Variants in PSD3 observed in about 807,000 individuals in gnomAD.
The protein encoded by PSD3 is PH and SEC7 domain-containing protein 3.
A neutral mutation model predicts 105.5 loss-of-function variants in PSD3; 49 were observed. That is an observed-to-expected ratio of 0.46 (90% CI 0.37 to 0.59). The LOEUF (loss-of-function observed/expected upper bound fraction) is 0.59, where lower values mean the gene tolerates loss of function less well. Among genes scored for constraint, PSD3 ranks in the 20% least tolerant of loss-of-function variants. The pLI, the probability that PSD3 is intolerant of heterozygous loss-of-function variation, is 0.00. For missense variants in PSD3, 1,561 were observed against 1,263.8 expected, an observed-to-expected ratio of 1.24 and a Z score of -3.57; for synonymous variants, 557 against 457.8, an observed-to-expected ratio of 1.22 and a Z score of -2.77.
At chr8:18,628,924 G>A (rs772226508) in intron 11 of PSD3, among the ~76,000 whole-genome samples, 2 of 151,828 alleles carry the variant, frequency 1.3e-5, no homozygotes, top group Non-Finnish European at 2.9e-5. Flanking sequence ...ACAGTAAGAC[G>A]GCAGATTTAA....
chr8:18,705,562 C>T (rs896122623), intron 9 of PSD3, among the ~76,000 whole-genome samples: 77 of 140,384 alleles, frequency 5.5e-4, no homozygotes, highest in African/African-American at 1.7e-3. Flanking sequence ...AAAAAAAATT[C>T]GTTAAATAAC....
chr8:18,906,575 G>A (rs1819862685), intron 2 of PSD3, among the ~76,000 whole-genome samples: 1 of 152,134 alleles, frequency 6.6e-6, no homozygotes, highest in East Asian at 1.9e-4. Context: ...ACAAACACAG[G>A]TTTTGTAGGG....
chr8:18,830,831 T>G (rs1482465564), intron 4 of PSD3, among the ~76,000 whole-genome samples: 1 of 152,154 alleles, frequency 6.6e-6, no homozygotes, highest in Admixed American at 6.5e-5. Flanking sequence ...TCTTTCAACC[T>G]AAACCATCTA....
intron 9 of PSD3, among the ~76,000 whole-genome samples, chr8:18,746,935 C>T (rs1585814982): frequency 1.3e-5 from 2 of 152,172 alleles, no homozygotes; most frequent in African/African-American, 4.8e-5. Flanking sequence ...GAAAGAAATG[C>T]CCTTAGGCAT....
At chr8:18,582,816 C>CTTTTTTTTTTTTTT (rs71217386) in intron 12 of PSD3, among the ~76,000 whole-genome samples, 3 of 125,474 alleles carry the variant, frequency 2.4e-5, no homozygotes, top group Non-Finnish European at 4.9e-5. Context: ...CCACACTGAT[C>CTTTTTTTTTTTTTT]TTTTTTTTTT....
In PSD3 at chr8:18,607,507, C is replaced by T. The variant is rs28398303; in HGVS notation, c.2411-7073G>A. On this transcript the variant is annotated intron_variant, in intron 11 of 15. Transcript: ENST00000327040. ...ACCGGCAGCACTTGTTTCTCCATAGCACTGGGCGTTTTCACTCTGGTTTCC... is the reference window on the plus strand; with the variant it reads ...ACCGGCAGCACTTGTTTCTCCATAGTACTGGGCGTTTTCACTCTGGTTTCC... Among the ~76,000 whole-genome samples the T allele has an allele frequency of 5.6e-3, 847 of 152,068 alleles. 13 individuals carry two copies. Among genetic ancestry groups the T allele is most frequent in the African/African-American group, 0.019 (798 of 41,488 alleles).
intron 11 of PSD3, among the ~76,000 whole-genome samples, chr8:18,620,921 C>T (rs2130710899): frequency 6.6e-6 from 1 of 152,302 alleles, no homozygotes; most frequent in South Asian, 2.1e-4. Context: ...TTATTTTCTT[C>T]TTTCTCCTAA....
chr8:18,644,078 T>A (rs1807853554), intron 10 of PSD3, among the ~76,000 whole-genome samples: 1 of 152,232 alleles, frequency 6.6e-6, no homozygotes, highest in Non-Finnish European at 1.5e-5. Context: ...GGGACTGTGA[T>A]GGAATGGGCA....
intron 4 of PSD3, 72 bp from the exon 5 acceptor site, chr8:18,804,970 T>C (rs1257445796): frequency 8.0e-7 from 1 of 1,246,172 alleles, no homozygotes; most frequent in Non-Finnish European, 1.1e-6. Flanking sequence ...TCTGATGAAA[T>C]ATTGATAGTT....
intron 8 of PSD3, among the ~76,000 whole-genome samples, chr8:18,768,600 C>T (rs138497385): frequency 7.9e-5 from 12 of 152,220 alleles, no homozygotes; most frequent in East Asian, 7.7e-4. Flanking sequence ...TTCAAGAAGA[C>T]GCACAGGCAT....
At chr8:18,947,944 A>T (rs936247092) in intron 1 of PSD3, among the ~76,000 whole-genome samples, 2 of 152,194 alleles carry the variant, frequency 1.3e-5, no homozygotes, top group Non-Finnish European at 2.9e-5. Context: ...TCTTCTTCAC[A>T]ACTCCTTCAC....
chr8:18,805,292 G>T (rs964517793), intron 4 of PSD3, among the ~76,000 whole-genome samples: 2 of 152,024 alleles, frequency 1.3e-5, no homozygotes, highest in African/African-American at 4.8e-5. Flanking sequence ...TTGTTTTCCA[G>T]AAGAACTAAA....
chr8:18,747,759 G>T (rs1044947648), intron 9 of PSD3, among the ~76,000 whole-genome samples: 2 of 151,884 alleles, frequency 1.3e-5, no homozygotes, highest in African/African-American at 4.8e-5. Flanking sequence ...ACCAATGTCT[G>T]CTCAGTATGC....
At chr8:18,804,474 A>ACT (rs767044477) in intron 6 of PSD3, 48 bp downstream of exon 6, 1 of 1,464,698 alleles carries the variant, frequency 6.8e-7, no homozygotes. Flanking sequence ...TTCTCTAAGA[A>ACT]CTAATCATTT....
At chr8:18,771,662 A>G (rs893674982) in intron 8 of PSD3, among the ~76,000 whole-genome samples, 17 of 152,168 alleles carry the variant, frequency 1.1e-4, no homozygotes, top group Admixed American at 1.1e-3. Context: ...AATGTATGGG[A>G]TTATTTTTAG....
chr8:18,617,367 C>T (rs1230218860), intron 11 of PSD3, among the ~76,000 whole-genome samples: 1 of 151,972 alleles, frequency 6.6e-6, no homozygotes, highest in African/African-American at 2.4e-5. Context: ...CCCATCTCTA[C>T]TAAAAATTCC....
At chr8:18,693,009 G>T (rs1489111654) in intron 9 of PSD3, among the ~76,000 whole-genome samples, 3 of 152,166 alleles carry the variant, frequency 2.0e-5, no homozygotes, top group African/African-American at 7.2e-5. Flanking sequence ...GTAAATTCCT[G>T]AAGGGTTTAG....
At chr8:18,868,310 A>T (rs968791849) in intron 3 of PSD3, among the ~76,000 whole-genome samples, 1 of 152,224 alleles carries the variant, frequency 6.6e-6, no homozygotes, top group African/African-American at 2.4e-5. Context: ...CTAATGTGTG[A>T]ATACATCTGG....
chr8:18,610,910 A>C (rs564740654), intron 11 of PSD3, among the ~76,000 whole-genome samples: 1 of 152,286 alleles, frequency 6.6e-6, no homozygotes, highest in Non-Finnish European at 1.5e-5. Context: ...CTTTTGGACA[A>C]GTAATCTAAA....
Sources: gnomAD v4.1 joint callset for allele counts (sites outside exome capture counted in the v4.1 genomes callset) on GRCh38, gnomAD v4.1.1 for gene constraint, MANE v1.5 for transcripts, NCBI Gene and HGNC (gene_info 2026-07-23, HGNC 2026-07-21) for gene names.